Variants in GALNTL6 observed in about 807,000 individuals in gnomAD.
GALNTL6 encodes the protein polypeptide N-acetylgalactosaminyltransferase like 6.
GALNTL6 carries 46 observed loss-of-function variants against 73.7 expected under a neutral mutation model. The observed-to-expected ratio is 0.62, with a 90% CI of 0.49 to 0.80. The LOEUF (loss-of-function observed/expected upper bound fraction) is 0.80, where lower values mean the gene tolerates loss of function less well. GALNTL6 is among the 30% of genes least tolerant of loss of function. The pLI, the probability that GALNTL6 is intolerant of heterozygous loss-of-function variation, is 0.00. For synonymous variants in GALNTL6, 259 were observed against 263.7 expected (o/e 0.98, Z 0.17); for missense variants, 604 against 755.0 (o/e 0.80, Z 2.34).
At chr4:172,894,426 A>G (rs1275975751) in intron 8 of GALNTL6, among the ~76,000 whole-genome samples, 1 of 152,062 alleles carries the variant, frequency 6.6e-6, no homozygotes, top group Non-Finnish European at 1.5e-5. Flanking sequence ...AAATACTTCA[A>G]TTTCCTTCTT....
intron 7 of GALNTL6, among the ~76,000 whole-genome samples, chr4:172,835,941 C>G (rs1210848767): frequency 6.6e-6 from 1 of 152,198 alleles, no homozygotes; most frequent in African/African-American, 2.4e-5. Flanking sequence ...CAGCCATGCT[C>G]TATGATGCCC....
At chr4:172,823,335 A>G (rs1742048317) in intron 7 of GALNTL6, among the ~76,000 whole-genome samples, 1 of 151,732 alleles carries the variant, frequency 6.6e-6, no homozygotes, top group Non-Finnish European at 1.5e-5. Context: ...CAATTCAACA[A>G]CTCTTCTTTT....
chr4:172,134,314 G>A (rs955177865), intron 2 of GALNTL6, among the ~76,000 whole-genome samples: 2 of 151,894 alleles, frequency 1.3e-5, no homozygotes, highest in East Asian at 3.9e-4. Context: ...GAACCTGGGA[G>A]GCGGAGTTTG....
At chr4:172,788,133 C>A (rs1426131032) in intron 5 of GALNTL6, among the ~76,000 whole-genome samples, 1 of 152,004 alleles carries the variant, frequency 6.6e-6, no homozygotes, top group Admixed American at 6.6e-5. Flanking sequence ...ATCACTTGAG[C>A]CCAGGAATTT....
Position 172,917,318 on chromosome 4 carries a change from C to T in GALNTL6, c.1042-13843C>T, listed in dbSNP as rs180805902. 5.9e-3 allele frequency among the ~76,000 whole-genome samples: 898 copies of T among 152,170 alleles called. 8 individuals carry two copies. Among genetic ancestry groups the T allele is most frequent in the African/African-American group, 0.021 (857 of 41,498 alleles). On this transcript the variant is annotated intron_variant, in intron 8 of 12. Transcript: ENST00000506823. ...CCCTAGAAGAAAACCTAGGAAATACCATTCAGGACATAGGCATGGGCAAGG... is the reference window on the plus strand; with the variant it reads ...CCCTAGAAGAAAACCTAGGAAATACTATTCAGGACATAGGCATGGGCAAGG...
At chr4:172,056,395 G>GGTCA (rs1363673453) in intron 2 of GALNTL6, among the ~76,000 whole-genome samples, 1 of 151,998 alleles carries the variant, frequency 6.6e-6, no homozygotes, top group Non-Finnish European at 1.5e-5. Context: ...CATTTAAGCT[G>GGTCA]TTAACATTCT....
chr4:172,924,982 C>T (rs1035185170), intron 8 of GALNTL6, among the ~76,000 whole-genome samples: 2 of 152,130 alleles, frequency 1.3e-5, no homozygotes, highest in African/African-American at 4.8e-5. Flanking sequence ...CGCCATTCTC[C>T]TGCCTCAGCC....
intron 5 of GALNTL6, among the ~76,000 whole-genome samples, chr4:172,739,354 T>A (rs1736667620): frequency 6.6e-6 from 1 of 152,204 alleles, no homozygotes; most frequent in African/African-American, 2.4e-5. Flanking sequence ...CTACTTCTTG[T>A]CATAAGGACA....
At position 172,397,139 on chromosome 4, in the gene GALNTL6, C is replaced by T. The variant is rs181497311; in HGVS notation, c.553+48450C>T. Among the ~76,000 whole-genome samples, 200 of 152,160 alleles carry T rather than the reference C, an allele frequency of 1.3e-3. 1 individual carries two copies. The highest frequency in any genetic ancestry group is 2.0e-3 in the Non-Finnish European group (137 of 68,002). On this transcript the variant is annotated intron_variant, in intron 5 of 12. Coordinates refer to ENST00000506823, the MANE Select transcript of GALNTL6 (RefSeq NM_001034845.3). ...GTGAGAGATAGTCTATATGCTTGTG[C>T]GTGAATCTTAGAAATTATAGTATTT...
At chr4:172,922,072 T>C (rs1747822766) in intron 8 of GALNTL6, among the ~76,000 whole-genome samples, 1 of 152,108 alleles carries the variant, frequency 6.6e-6, no homozygotes, top group South Asian at 2.1e-4. Context: ...GCTATTCTCG[T>C]GATAGTGAAT....
At chr4:172,509,238 G>T (rs1734418811) in intron 5 of GALNTL6, among the ~76,000 whole-genome samples, 1 of 53,266 alleles carries the variant, frequency 1.9e-5, no homozygotes, top group African/African-American at 4.8e-5. Flanking sequence ...TTGGCCATTT[G>T]TATATCTTCT....
chr4:172,424,622 G>A lies in GALNTL6; in HGVS notation c.553+75933G>A, dbSNP rs148937193. Among the ~76,000 whole-genome samples the A allele has an allele frequency of 3.8e-3, 575 of 152,276 alleles. 3 individuals are homozygous for A. Among genetic ancestry groups the A allele is most frequent in the African/African-American group, 0.013 (543 of 41,564 alleles). ...GTATGGAGATGAGCGGCTGCTCCATGCAGTTATTCATGGACCAGGAGGATA... is the reference window on the plus strand; with the variant it reads ...GTATGGAGATGAGCGGCTGCTCCATACAGTTATTCATGGACCAGGAGGATA... On this transcript the variant is annotated intron_variant, in intron 5 of 12. Transcript: ENST00000506823.
At chr4:172,279,862 G>A (rs1738979176) in intron 3 of GALNTL6, among the ~76,000 whole-genome samples, 1 of 152,098 alleles carries the variant, frequency 6.6e-6, no homozygotes, top group Admixed American at 6.6e-5. Context: ...TTAAAAAATT[G>A]TAGACTATCC....
chr4:172,658,392 G>A (rs372770218), intron 5 of GALNTL6, among the ~76,000 whole-genome samples: 31 of 150,322 alleles, frequency 2.1e-4, no homozygotes, highest in African/African-American at 6.1e-4. Flanking sequence ...GCGTGAATCC[G>A]GGAGGCGGAG....
intron 3 of GALNTL6, among the ~76,000 whole-genome samples, chr4:172,240,121 T>C (rs553972538): frequency 6.6e-6 from 1 of 152,358 alleles, no homozygotes; most frequent in Non-Finnish European, 1.5e-5. Context: ...TCCTCAAATA[T>C]GTTTTTCAAG....
chr4:172,396,094 C>T (rs933346913), intron 5 of GALNTL6, among the ~76,000 whole-genome samples: 1 of 152,086 alleles, frequency 6.6e-6, no homozygotes, highest in African/African-American at 2.4e-5. Flanking sequence ...AAGACTCCTG[C>T]CCTGATAACC....
In GALNTL6 at chr4:172,460,166, T is replaced by C. The variant is rs1336615420; in HGVS notation, c.553+111477T>C. 2.0e-5 allele frequency among the ~76,000 whole-genome samples: 3 copies of C among 152,328 alleles called. No individual in the cohort carries two copies. The South Asian group carries it at 6.2e-4, about 32-fold the overall frequency. On this transcript the variant is annotated intron_variant, in intron 5 of 12. Transcript: ENST00000506823. ...TGATGTTGGGAAAACTGGCTAGACA[T>C]ATGCAGAAGAGTGAAACTGAACCCC...
intron 2 of GALNTL6, among the ~76,000 whole-genome samples, chr4:172,201,327 C>T (rs1735947255): frequency 6.6e-6 from 1 of 152,046 alleles, no homozygotes; most frequent in African/African-American, 2.4e-5. Context: ...CTGCCTCGGC[C>T]TCCCAAGTTG....
intron 2 of GALNTL6, among the ~76,000 whole-genome samples, chr4:172,020,850 A>T (rs1354240663): frequency 5.3e-5 from 8 of 152,092 alleles, no homozygotes; most frequent in Non-Finnish European, 1.2e-4. Flanking sequence ...GACACATCAA[A>T]AAAAGAAAAC....
Sources: allele counts gnomAD v4.1 joint callset (sites outside exome capture counted in the v4.1 genomes callset), GRCh38; gene constraint gnomAD v4.1.1; transcripts MANE v1.5; gene names NCBI Gene and HGNC (gene_info 2026-07-23, HGNC 2026-07-21).